PKHD1: variants seen among roughly 807,000 people sequenced by gnomAD.
PKHD1 encodes the protein PKHD1 ciliary IPT domain containing fibrocystin/polyductin, also known as fibrocystin.
PKHD1 carries 291 observed loss-of-function variants against 412.0 expected under a neutral mutation model. The observed-to-expected ratio is 0.71, with a 90% CI of 0.64 to 0.78. The LOEUF (loss-of-function observed/expected upper bound fraction) is 0.78, where lower values mean the gene tolerates loss of function less well. Ranked by LOEUF, PKHD1 falls within the 30% of genes least tolerant of loss-of-function variation. PKHD1 has a pLI of 0.00. For missense variants in PKHD1, 4,825 were observed against 4,950.7 expected, an observed-to-expected ratio of 0.97 and a Z score of 0.76; for synonymous variants, 1,777 against 1,821.5, an observed-to-expected ratio of 0.98 and a Z score of 0.62.
intron 57 of PKHD1, among the ~76,000 whole-genome samples, chr6:51,750,290 G>T (rs1290229366): frequency 6.6e-6 from 1 of 152,108 alleles, no homozygotes; most frequent in Non-Finnish European, 1.5e-5. Context: ...TATTTCTTGG[G>T]CAATATCCCT....
At chr6:51,917,189 TG>T (rs1213727792) in intron 37 of PKHD1, among the ~76,000 whole-genome samples, 7 of 39,176 alleles carry the variant, frequency 1.8e-4, no homozygotes, top group Non-Finnish European at 2.1e-4. Context: ...GAGGGAGAGG[TG>T]GGGGGGAGAG....
rs41273722 is a variant in PKHD1 at position 51,648,091 on chromosome 6, G to A, written c.11338C>T (p.Pro3780Ser). 2.1e-3 allele frequency: 3,373 copies of A among 1,606,254 alleles called. 7 individuals are homozygous for A. Among genetic ancestry groups the A allele is most frequent in the Non-Finnish European group, 2.6e-3 (3,090 of 1,172,720 alleles). ...QNRRVESLGPPSEPWTISASL... is the reference protein window; with the variant it reads ...QNRRVESLGPSSEPWTISASL... Reference sequence around the variant, plus strand: ...GCTGAAATTGTCCATGGCTCTGAAGGAGGTCCCAGGGACTCTACTCTTCGA... The same window carrying A: ...GCTGAAATTGTCCATGGCTCTGAAGAAGGTCCCAGGGACTCTACTCTTCGA... The change falls in exon 63 of 67, where the codon CCT (proline) becomes TCT (serine). Residue 3780 changes from proline to serine, a missense_variant. Pro to Ser is a moderately conservative substitution (Grantham distance 74, BLOSUM62 -1). Transcript: ENST00000371117.
chr6:51,696,646 A>C (rs960148149), intron 60 of PKHD1, among the ~76,000 whole-genome samples: 4 of 152,160 alleles, frequency 2.6e-5, no homozygotes, highest in Non-Finnish European at 5.9e-5. Flanking sequence ...AAATCCATGA[A>C]GTTTAATAGG....
chr6:52,004,845 G>A (rs1303705385), intron 35 of PKHD1, among the ~76,000 whole-genome samples: 1 of 152,098 alleles, frequency 6.6e-6, no homozygotes. Flanking sequence ...AGTACTCCCA[G>A]TACCTTAGAG....
chr6:51,862,338 T>A (rs567380600), intron 48 of PKHD1, among the ~76,000 whole-genome samples: 1 of 152,348 alleles, frequency 6.6e-6, no homozygotes, highest in South Asian at 2.1e-4. Context: ...TTAATAACCA[T>A]GTAATATTGT....
chr6:52,007,388 G>A (rs1384722503), intron 35 of PKHD1, among the ~76,000 whole-genome samples: 6 of 152,186 alleles, frequency 3.9e-5, no homozygotes, highest in Non-Finnish European at 7.3e-5. Context: ...GACCTGGATT[G>A]TAGTCCTGAT....
intron 35 of PKHD1, among the ~76,000 whole-genome samples, chr6:51,987,968 T>C (rs72897914): frequency 0.054 from 8,297 of 152,290 alleles, 299 homozygotes; most frequent in East Asian, 0.14. Context: ...GGAGATTTTT[T>C]GAGGGCTCTT....
At chr6:51,686,221 T>C (rs1330201170) in intron 60 of PKHD1, among the ~76,000 whole-genome samples, 1 of 152,164 alleles carries the variant, frequency 6.6e-6, no homozygotes, top group Non-Finnish European at 1.5e-5. Context: ...AGGATGATCA[T>C]CCTTCTACTG....
intron 35 of PKHD1, among the ~76,000 whole-genome samples, chr6:51,976,944 T>TAAAAAAAAAAAAAAAAAAAAAA (rs10671492): frequency 1.9e-4 from 18 of 93,522 alleles, no homozygotes; most frequent in African/African-American, 6.8e-4. Flanking sequence ...TGAGACTCCA[T>TAAAAAAAAAAAAAAAAAAAAAA]AAAAAAAAAA....
chr6:51,770,634 TC>T (rs1789926365), intron 55 of PKHD1, among the ~76,000 whole-genome samples: 1 of 143,550 alleles, frequency 7.0e-6, no homozygotes, highest in Non-Finnish European at 1.5e-5. Context: ...CATTTCATTT[TC>T]TTTTTTTTTC....
chr6:51,936,721 T>C (rs1713884703), intron 36 of PKHD1, among the ~76,000 whole-genome samples: 1 of 152,156 alleles, frequency 6.6e-6, no homozygotes, highest in Admixed American at 6.5e-5. Context: ...TATACCCTCC[T>C]CCCTTTGGAA....
At chr6:51,967,143 G>GA (rs532037936) in intron 35 of PKHD1, among the ~76,000 whole-genome samples, 15 of 149,556 alleles carry the variant, frequency 1.0e-4, no homozygotes, top group African/African-American at 1.5e-4. Flanking sequence ...ATATGTCATA[G>GA]AAAAAAAAAA....
intron 13 of PKHD1, among the ~76,000 whole-genome samples, chr6:52,064,308 T>G (rs1163195516): frequency 1.3e-5 from 2 of 152,226 alleles, no homozygotes; most frequent in Non-Finnish European, 2.9e-5. Flanking sequence ...CCTTCAGTTC[T>G]AATGCTCAGC....
chr6:52,037,336 G>A (rs1581879777), intron 27 of PKHD1, among the ~76,000 whole-genome samples: 1 of 151,882 alleles, frequency 6.6e-6, no homozygotes, highest in African/African-American at 2.4e-5. Context: ...TCTATCCTAA[G>A]TATTTTAGAA....
chr6:51,880,895 G>C (rs1370085418), intron 46 of PKHD1, among the ~76,000 whole-genome samples: 1 of 149,026 alleles, frequency 6.7e-6, no homozygotes, highest in African/African-American at 2.5e-5. Flanking sequence ...GAACCCGGGA[G>C]GCGGAGCTTG....
In PKHD1 at chr6:52,066,088, T is replaced by TTA; in HGVS notation, c.779-12_779-11insTA. 1.0e-6 allele frequency: 1 copy of TTA among 959,068 alleles called. No homozygotes were observed. The highest frequency in any genetic ancestry group is 1.6e-6 in the Non-Finnish European group (1 of 614,526). The allele number at this position is 959,068 out of a possible 1,614,324, so 59.4% of individuals were successfully genotyped here. A position where few individuals can be genotyped will look rare whatever the true frequency, so the allele number is the denominator to read the frequency against. ...ACACAGATAATATTTCTGCAAGAGT[T>TTA]AAAAAAAAAAAAAAGTAAGCTTCCA... On this transcript the variant is annotated splice_polypyrimidine_tract_variant and intron_variant, in intron 11 of 66. Coordinates refer to ENST00000371117, the MANE Select transcript of PKHD1 (RefSeq NM_138694.4).
intron 35 of PKHD1, among the ~76,000 whole-genome samples, chr6:51,979,876 G>A (rs1794921892): frequency 6.6e-6 from 1 of 152,094 alleles, no homozygotes; most frequent in African/African-American, 2.4e-5. Flanking sequence ...GTTTTCCAAG[G>A]ACTGTCTCCA....
chr6:51,852,032 G>A (rs922440880), intron 49 of PKHD1, among the ~76,000 whole-genome samples: 1 of 152,138 alleles, frequency 6.6e-6, no homozygotes, highest in African/African-American at 2.4e-5. Context: ...GCTTTCTGAT[G>A]TGGGCATTTA....
chr6:52,076,375 T>C lies in PKHD1; in HGVS notation c.391-42A>G, dbSNP rs765851006. The C allele has an allele frequency of 4.0e-6, 6 of 1,483,906 alleles. No homozygotes were observed. In the African/African-American group the frequency reaches 4.1e-5, roughly 10 times the overall value. The allele number at this position is 1,483,906 out of a possible 1,614,324, so 91.9% of individuals were successfully genotyped here. A position where few individuals can be genotyped will look rare whatever the true frequency, so the allele number is the denominator to read the frequency against. ...ACCACAAGTGAGCATGTCATTAAAA[T>C]ATTCACAAACACAGGAGGCACAAGC... On this transcript the variant is annotated intron_variant, in intron 5 of 66. Transcript: ENST00000371117.
Sources: gnomAD v4.1 joint callset for allele counts (sites outside exome capture counted in the v4.1 genomes callset) on GRCh38, gnomAD v4.1.1 for gene constraint, MANE v1.5 for transcripts, NCBI Gene and HGNC (gene_info 2026-07-23, HGNC 2026-07-21) for gene names.